Variants in DIAPH2 observed in about 807,000 individuals in gnomAD.
The protein encoded by DIAPH2 is protein diaphanous homolog 2.
A neutral mutation model predicts 92.7 loss-of-function variants in DIAPH2; 35 were observed. The ratio of observed to expected loss-of-function variants is 0.38; its 90% CI spans 0.29 to 0.50. The LOEUF (loss-of-function observed/expected upper bound fraction) is 0.50, where lower values mean the gene tolerates loss of function less well. DIAPH2 is among the 20% of genes least tolerant of loss of function. The pLI is 0.94. For missense variants in DIAPH2, 701 were observed against 819.5 expected (o/e 0.86, Z 1.77); for synonymous variants, 301 against 280.4 (o/e 1.07, Z -0.73).
intron 17 of DIAPH2, among the ~76,000 whole-genome samples, chrX:96,985,325 C>CT (rs1413598816): frequency 9.0e-6 from 1 of 110,602 alleles, no homozygotes; most frequent in Non-Finnish European, 1.9e-5. Flanking sequence ...GCTTCTGAGT[C>CT]TGAGTAGTAT....
intron 17 of DIAPH2, among the ~76,000 whole-genome samples, chrX:97,018,069 T>G (rs990638165): frequency 1.8e-5 from 2 of 112,547 alleles, no homozygotes; most frequent in Non-Finnish European, 3.7e-5. Flanking sequence ...ATCTGACTTA[T>G]GCATTTAAAA....
chrX:97,128,409 A>G (rs902204797), intron 21 of DIAPH2, among the ~76,000 whole-genome samples: 1 of 110,594 alleles, frequency 9.0e-6, no homozygotes, highest in Non-Finnish European at 1.9e-5. Flanking sequence ...GGTCCTTATG[A>G]CCTGTATTTT....
chrX:96,886,909 CTCT>C (rs1034300500), intron 5 of DIAPH2, among the ~76,000 whole-genome samples: 1 of 75,363 alleles, frequency 1.3e-5, no homozygotes, highest in Non-Finnish European at 2.4e-5. Flanking sequence ...GGGAAAAAAA[CTCT>C]TTTTTTTTTG....
At chrX:97,003,543 C>T (rs2066159274) in intron 17 of DIAPH2, among the ~76,000 whole-genome samples, 1 of 112,185 alleles carries the variant, frequency 8.9e-6, no homozygotes, top group African/African-American at 3.2e-5. Context: ...ATTGGCATTT[C>T]TCCGATGATC....
chrX:97,126,065 G>A (rs777539339), intron 21 of DIAPH2, among the ~76,000 whole-genome samples: 6 of 111,865 alleles, frequency 5.4e-5, no homozygotes, highest in Admixed American at 4.7e-4. Context: ...TGCTATAGTC[G>A]TTTTCTGAGT....
intron 1 of DIAPH2, among the ~76,000 whole-genome samples, chrX:96,713,395 C>T (rs1419853499): frequency 9.1e-6 from 1 of 110,411 alleles, no homozygotes; most frequent in African/African-American, 3.3e-5. Context: ...AAGCAGAGTT[C>T]TCATATTCCC....
chrX:97,336,271 G>A (rs1381406673), intron 23 of DIAPH2, among the ~76,000 whole-genome samples: 7 of 96,209 alleles, frequency 7.3e-5, no homozygotes, highest in Non-Finnish European at 1.0e-4. Context: ...TTGAGACGGA[G>A]TCTCGCTCTG....
At chrX:97,537,807 C>T (rs1247517884) in intron 26 of DIAPH2, among the ~76,000 whole-genome samples, 2 of 111,102 alleles carry the variant, frequency 1.8e-5, no homozygotes, top group African/African-American at 6.5e-5. Flanking sequence ...TATTTGAAAT[C>T]GAAGCCTTGA....
chrX:96,873,581 C>G (rs185534498), intron 4 of DIAPH2, among the ~76,000 whole-genome samples: 2 of 107,468 alleles, frequency 1.9e-5, no homozygotes, highest in Non-Finnish European at 3.8e-5. Context: ...TGTTCCATAT[C>G]TTGATTGTGG....
chrX:97,249,838 C>T (rs182220759), intron 23 of DIAPH2, among the ~76,000 whole-genome samples: 66 of 111,811 alleles, frequency 5.9e-4, no homozygotes, highest in Admixed American at 4.7e-4. Context: ...TGGTGACTCA[C>T]GCCTGTAATC....
At chrX:97,566,955 A>G (rs1056974294) in intron 26 of DIAPH2, among the ~76,000 whole-genome samples, 13 of 111,995 alleles carry the variant, frequency 1.2e-4, no homozygotes, top group Non-Finnish European at 1.7e-4. Flanking sequence ...ATTTGAAAGA[A>G]TGTAAGTTTA....
intron 26 of DIAPH2, among the ~76,000 whole-genome samples, 160 bp downstream of exon 26, chrX:97,429,905 A>C (rs927385165): frequency 4.5e-5 from 5 of 111,680 alleles, no homozygotes; most frequent in Non-Finnish European, 9.4e-5. Context: ...AGGCATCTAC[A>C]TGATTGCAAG....
chrX:97,017,263 T>C (rs1428684224), intron 17 of DIAPH2, among the ~76,000 whole-genome samples: 2 of 112,401 alleles, frequency 1.8e-5, no homozygotes, highest in African/African-American at 6.5e-5. Flanking sequence ...TTTTTCTCTA[T>C]GAATTTTATT....
chrX:96,783,275 GT>G (rs751103328), intron 4 of DIAPH2, among the ~76,000 whole-genome samples: 1 of 112,239 alleles, frequency 8.9e-6, no homozygotes, highest in Non-Finnish European at 1.9e-5. Context: ...ATTTTTAATT[GT>G]TAAGTCATTG....
intron 26 of DIAPH2, among the ~76,000 whole-genome samples, chrX:97,441,791 C>T (rs1426681122): frequency 5.3e-5 from 6 of 112,484 alleles, no homozygotes; most frequent in Admixed American, 9.3e-5. Context: ...TCCAGCCTGG[C>T]GACAGAGCGA....
intron 5 of DIAPH2, chrX:96,884,821 G>A: frequency 1.7e-6 from 2 of 1,211,317 alleles, no homozygotes; most frequent in South Asian, 3.5e-5. Flanking sequence ...GCTGGATAAA[G>A]CCCGTCGTGA....
chrX:97,061,830 A>G (rs932508341), intron 17 of DIAPH2, among the ~76,000 whole-genome samples: 2 of 108,421 alleles, frequency 1.8e-5, no homozygotes, highest in Non-Finnish European at 1.9e-5. Context: ...AAAAAAAAAA[A>G]AAAAACGCTC....
chrX:97,337,689 G>A (rs915882633), intron 23 of DIAPH2, among the ~76,000 whole-genome samples: 1 of 110,262 alleles, frequency 9.1e-6, no homozygotes, highest in Non-Finnish European at 1.9e-5. Context: ...TCAGAATAAC[G>A]GAAAAGGTGT....
intron 26 of DIAPH2, among the ~76,000 whole-genome samples, chrX:97,456,560 C>T (rs1602602111): frequency 9.0e-6 from 1 of 111,363 alleles, no homozygotes; most frequent in East Asian, 2.8e-4. Context: ...AATTTGCAGG[C>T]ACTAATACCC....
Sources: gnomAD v4.1 joint callset for allele counts (sites outside exome capture counted in the v4.1 genomes callset) on GRCh38, gnomAD v4.1.1 for gene constraint, MANE v1.5 for transcripts, NCBI Gene and HGNC (gene_info 2026-07-23, HGNC 2026-07-21) for gene names.